Variants in INPP5E observed in about 807,000 individuals in gnomAD.
INPP5E encodes inositol polyphosphate-5-phosphatase E, also known as phosphatidylinositol polyphosphate 5-phosphatase type IV.
INPP5E carries 34 observed loss-of-function variants against 50.5 expected under a neutral mutation model. The observed-to-expected ratio is 0.67, with a 90% confidence interval of 0.51 to 0.90. The LOEUF is 0.90. Among genes scored for constraint, INPP5E ranks in the 40% least tolerant of loss-of-function variants. INPP5E has a pLI of 0.00. For missense variants in INPP5E, 942 were observed against 905.5 expected (o/e 1.04, Z -0.52); for synonymous variants, 447 against 406.0 (o/e 1.10, Z -1.21).
chr9:136,429,223 T>G lies in INPP5E; in HGVS notation c.*452A>C. 3.5e-6 allele frequency: 1 copy of G among 283,764 alleles called. No individual in the cohort carries two copies. The highest frequency in any genetic ancestry group is 7.0e-6 in the Non-Finnish European group (1 of 142,850). The allele number at this position is 283,764 out of a possible 1,614,324, so 17.6% of individuals were successfully genotyped here. ...CCTTGCTCTGGATACCCGTGTGACA[T>G]GGGGTGGTGTGTGTTTGAGGGGCTG... On this transcript the variant is annotated 3_prime_UTR_variant, in exon 10 of 10. Coordinates refer to ENST00000371712, the MANE Select transcript of INPP5E (RefSeq NM_019892.6).
At chr9:136,435,175 A>G (rs999525040) in intron 1 of INPP5E, among the ~76,000 whole-genome samples, 13 of 152,112 alleles carry the variant, frequency 8.5e-5, no homozygotes, top group Non-Finnish European at 1.3e-4. Context: ...CTCCCAAACT[A>G]TAAGCCAAGG....
chr9:136,431,799 C>T, intron 7 of INPP5E, 25 bp downstream of exon 7: 1 of 1,393,192 alleles, frequency 7.2e-7, no homozygotes, highest in Non-Finnish European at 9.6e-7. Context: ...CATCTCCCTC[C>T]ATGCCCGCCC....
At chr9:136,433,640 C>T (rs543870701) in intron 3 of INPP5E, among the ~76,000 whole-genome samples, 26 of 152,330 alleles carry the variant, frequency 1.7e-4, no homozygotes, top group South Asian at 4.1e-4. Flanking sequence ...CATGGGGGCC[C>T]GGGAGGCCTT....
chr9:136,435,384 G>A (rs538144069), intron 1 of INPP5E: 65 of 180,480 alleles, frequency 3.6e-4, no homozygotes, highest in Admixed American at 1.2e-3. Context: ...GTCTCACTCC[G>A]TGCCCAGGCT....
chr9:136,439,190 C>G lies in INPP5E; in HGVS notation c.230G>C (p.Arg77Thr). Residue 77 changes from arginine to threonine, a missense_variant, in exon 1 of 10, where the codon AGG becomes ACG. Physicochemically the swap from Arg to Thr is moderately conservative, Grantham distance 71 (BLOSUM62 -1). Coordinates refer to ENST00000371712, the MANE Select transcript of INPP5E (RefSeq NM_019892.6). ...GGACAGGGCTCGCTCCAGTCGAGGCCTGGCGGGGGGCCGCGGGGCGATGGG... is the reference window on the plus strand; with the variant it reads ...GGACAGGGCTCGCTCCAGTCGAGGCGTGGCGGGGGGCCGCGGGGCGATGGG... ...AAPIAPRPPA[R>T]PRLERALSLD... The G allele has an allele frequency of 6.5e-7, 1 of 1,548,262 alleles. No homozygotes were observed. The highest frequency in any genetic ancestry group is 2.4e-5 in the East Asian group (1 of 41,730).
chr9:136,432,666 G>T, intron 5 of INPP5E, 80 bp from the exon 6 acceptor site: 2 of 1,033,268 alleles, frequency 1.9e-6, no homozygotes, highest in Non-Finnish European at 2.9e-6. Flanking sequence ...TCTGGACTGT[G>T]CCCTGACTGC....
chr9:136,438,552 G>A (rs991545115), intron 1 of INPP5E, 56 bp downstream of exon 1: 1 of 1,435,910 alleles, frequency 7.0e-7, no homozygotes, highest in Non-Finnish European at 9.6e-7. Flanking sequence ...GGTTCCAGCA[G>A]CCTGAACACT....
At chr9:136,433,807 G>A (rs887898646) in intron 3 of INPP5E, among the ~76,000 whole-genome samples, 5 of 152,166 alleles carry the variant, frequency 3.3e-5, no homozygotes, top group African/African-American at 1.2e-4. Flanking sequence ...GTGCCCGGCC[G>A]CCACCCGGGT....
chr9:136,438,484 C>T, intron 1 of INPP5E, 124 bp downstream of exon 1: 1 of 887,740 alleles, frequency 1.1e-6, no homozygotes, highest in Non-Finnish European at 1.8e-6. Context: ...TGCGGGAGAC[C>T]CGCTTCGTTC....
At chr9:136,438,481 G>C (rs192525072) in intron 1 of INPP5E, 127 bp downstream of exon 1, 1 of 858,158 alleles carries the variant, frequency 1.2e-6, no homozygotes, top group Admixed American at 2.0e-5. Context: ...GGCTGCGGGA[G>C]ACCCGCTTCG....
At position 136,439,299 on chromosome 9, in the gene INPP5E, C is replaced by A; in HGVS notation, c.121G>T (p.Asp41Tyr). The change falls in exon 1 of 10, where the codon GAT (aspartate) becomes TAT (tyrosine). Residue 41 changes from aspartate (D) to tyrosine (Y), a missense_variant. Asp to Tyr is a radical substitution (Grantham distance 160). Coordinates refer to ENST00000371712, the MANE Select transcript of INPP5E (RefSeq NM_019892.6). ...GCGGGGCTCTCGGAGCCCGGAGCATCGGGTGGGGACCCCGCGCGCTGGGCC... is the reference window on the plus strand; with the variant it reads ...GCGGGGCTCTCGGAGCCCGGAGCATAGGGTGGGGACCCCGCGCGCTGGGCC... ...PPAQRAGSPPDAPGSESPALA... is the reference protein window; with the variant it reads ...PPAQRAGSPPYAPGSESPALA... 7.1e-7 allele frequency: 1 copy of A among 1,409,776 alleles called. No homozygotes were observed. Among genetic ancestry groups the A allele is most frequent in the South Asian group, 1.5e-5 (1 of 64,556 alleles). 87.3% of individuals were successfully genotyped at this position (1,409,776 alleles called of 1,614,324 possible). A position where few individuals can be genotyped will look rare whatever the true frequency, so the allele number is the denominator to read the frequency against.
rs773522021 is a variant in INPP5E, at chr9:136,439,148, C to G, written c.272G>C (p.Trp91Ser). 5.7e-6 allele frequency: 9 copies of G among 1,577,216 alleles called. No individual in the cohort carries two copies. Among genetic ancestry groups the G allele is most frequent in the Non-Finnish European group, 5.1e-6 (6 of 1,166,398 alleles). ...GCTGCCTCGAAAACGCCTCCTCCTCCAGCCCTTGTCGTCCAGGGACAGGGC... is the reference window on the plus strand; with the variant it reads ...GCTGCCTCGAAAACGCCTCCTCCTCGAGCCCTTGTCGTCCAGGGACAGGGC... The part of the protein sequence containing the change: ...ERALSLDDKG[W>S]RRRRFRGSQE... Residue 91 changes from tryptophan (W) to serine (S), a missense_variant, in exon 1 of 10, where the codon TGG (tryptophan) becomes TCG (serine). By Grantham distance (177) the Trp-to-Ser change is radical. Coordinates refer to ENST00000371712, the MANE Select transcript of INPP5E (RefSeq NM_019892.6).
rs1209484857 is a variant in INPP5E at position 136,429,455 on chromosome 9, T to C, written c.*220A>G. On this transcript the variant is annotated 3_prime_UTR_variant, in exon 10 of 10. Coordinates refer to ENST00000371712, the MANE Select transcript of INPP5E (RefSeq NM_019892.6). ...CCACCCATGCTGTATGGACCTGCCA[T>C]GGAGACGGGGGTCCAAGCCCTGCCC... The C allele has an allele frequency of 1.7e-5, 11 of 665,454 alleles. No individual in the cohort carries two copies. Among genetic ancestry groups the C allele is most frequent in the Admixed American group, 2.1e-5 (1 of 46,538 alleles). The allele number at this position is 665,454 out of a possible 1,614,324, so 41.2% of individuals were successfully genotyped here.
At chr9:136,438,262 G>A (rs1247239061) in intron 1 of INPP5E, 2 of 357,208 alleles carry the variant, frequency 5.6e-6, no homozygotes, top group Admixed American at 4.1e-5. Context: ...GCGACAGAGA[G>A]AGTAACAAAC....
rs1193322281 is a variant in INPP5E at position 136,439,059 on chromosome 9, G to A, written c.361C>T (p.Pro121Ser). The change falls in exon 1 of 10, where the codon CCC becomes TCC. Residue 121 changes from proline (P) to serine (S), a missense_variant. Pro to Ser is a moderately conservative substitution (Grantham distance 74). Coordinates refer to ENST00000371712, the MANE Select transcript of INPP5E (RefSeq NM_019892.6). The part of the protein sequence containing the change: ...PSRGSVQSEG[P>S]GAPAHSCSPP... ...GAGCAGCTGTGGGCGGGGGCCCCGG[G>A]GCCCTCGCTCTGCACTGAGCCCCTG... The A allele has an allele frequency of 1.9e-6, 3 of 1,568,154 alleles. No homozygotes were observed. Among genetic ancestry groups the A allele is most frequent in the Admixed American group, 1.9e-5 (1 of 53,348 alleles).
rs1028225442 is a variant in INPP5E, at chr9:136,428,827, G to C, written c.*848C>G. ...GGGGATCCCTGGCCTAGGTGTTCAA[G>C]GTGGTGGCATCCTGAACTTCCAGCA... On this transcript the variant is annotated 3_prime_UTR_variant, in exon 10 of 10. Coordinates refer to ENST00000371712, the MANE Select transcript of INPP5E (RefSeq NM_019892.6). 4 of 152,518 alleles carry C rather than the reference G, an allele frequency of 2.6e-5. No individual in the cohort carries two copies. Among genetic ancestry groups the C allele is most frequent in the African/African-American group, 4.8e-5 (2 of 41,454 alleles). 9.4% of individuals were successfully genotyped at this position (152,518 alleles called of 1,614,324 possible). A position where few individuals can be genotyped will look rare whatever the true frequency, so the allele number is the denominator to read the frequency against.
intron 2 of INPP5E, 118 bp from the exon 3 acceptor site, chr9:136,434,252 GC>G: frequency 2.7e-6 from 2 of 744,320 alleles, no homozygotes; most frequent in Non-Finnish European, 4.6e-6. Flanking sequence ...GGAAACTGAG[GC>G]CAGGGCCAAA....
Position 136,434,519 on chromosome 9 carries a change from T to C in INPP5E, c.936+221A>G, listed in dbSNP as rs371258202. 2.9e-4 allele frequency among the ~76,000 whole-genome samples: 44 copies of C among 150,646 alleles called. No homozygotes were observed. The East Asian group carries it at 5.0e-3, about 17-fold the overall frequency. ...CCGTTGCCCCAACCCCCTCCCCTAC[T>C]TTCTGCAGCCACGTGGCCAGGGAGG... On this transcript the variant is annotated intron_variant, in intron 2 of 9. Transcript: ENST00000371712.
chr9:136,429,996 C>T (rs573682018), intron 9 of INPP5E, among the ~76,000 whole-genome samples, 189 bp from the exon 10 acceptor site: 4 of 152,204 alleles, frequency 2.6e-5, no homozygotes, highest in Admixed American at 6.5e-5. Flanking sequence ...GGGACAGAGC[C>T]GCAGGAAGGA....
Sources: allele counts gnomAD v4.1 joint callset (sites outside exome capture counted in the v4.1 genomes callset), GRCh38; gene constraint gnomAD v4.1.1; transcripts MANE v1.5; gene names NCBI Gene and HGNC (gene_info 2026-07-23, HGNC 2026-07-21).